Variants in FANCC observed in about 807,000 individuals in gnomAD.
FANCC encodes Fanconi anemia group C protein.
A neutral mutation model predicts 71.3 loss-of-function variants in FANCC; 55 were observed. That is an observed-to-expected ratio of 0.77 (90% CI 0.62 to 0.97). The LOEUF is 0.97. Ranked by LOEUF, FANCC falls within the 50% of genes least tolerant of loss-of-function variation. FANCC has a pLI of 0.00. For missense variants in FANCC, 678 were observed against 670.9 expected (o/e 1.01, Z -0.12); for synonymous variants, 275 against 244.9 (o/e 1.12, Z -1.15).
intron 1 of FANCC, among the ~76,000 whole-genome samples, chr9:95,252,688 T>G (rs1369711438): frequency 7.0e-6 from 1 of 142,252 alleles, no homozygotes; most frequent in Non-Finnish European, 1.5e-5. Flanking sequence ...AGCTTGTAAG[T>G]GAGCCGAGAT....
At chr9:95,197,395 C>T (rs890475074) in intron 4 of FANCC, among the ~76,000 whole-genome samples, 4 of 152,012 alleles carry the variant, frequency 2.6e-5, no homozygotes, top group African/African-American at 4.8e-5. Flanking sequence ...TTAAATTAGC[C>T]GGGTATGGTG....
intron 3 of FANCC, among the ~76,000 whole-genome samples, chr9:95,241,303 C>G (rs1225819150): frequency 6.6e-6 from 1 of 152,216 alleles, no homozygotes; most frequent in African/African-American, 2.4e-5. Context: ...TTTCTAGTAC[C>G]AAGTGCTTTG....
Position 95,142,794 on chromosome 9 carries a change from C to T in FANCC, c.686+7129G>A, listed in dbSNP as rs772291723. On this transcript the variant is annotated intron_variant, in intron 7 of 14. Coordinates refer to ENST00000289081, the MANE Select transcript of FANCC (RefSeq NM_000136.3). ...GCGAGTGTTAGAGTGGTCAGAGACT[C>T]GTATGTCAGTCACTCCCACTACTTA... Among the ~76,000 whole-genome samples, 5 of 152,264 alleles carry T rather than the reference C, an allele frequency of 3.3e-5. No individual in the cohort carries two copies. The South Asian group carries it at 1.0e-3, about 32-fold the overall frequency.
At chr9:95,293,718 C>G (rs563094860) in intron 1 of FANCC, 3 of 1,613,774 alleles carry the variant, frequency 1.9e-6, no homozygotes, top group African/African-American at 2.7e-5. Context: ...TGTTCACACT[C>G]AGACATTTTT....
At chr9:95,178,805 T>A (rs1826171245) in intron 4 of FANCC, among the ~76,000 whole-genome samples, 1 of 152,234 alleles carries the variant, frequency 6.6e-6, no homozygotes, top group Admixed American at 6.5e-5. Context: ...TTGAGTTAAA[T>A]TTTGTAAGGG....
intron 4 of FANCC, among the ~76,000 whole-genome samples, chr9:95,191,318 T>C (rs1190704429): frequency 1.6e-5 from 2 of 128,480 alleles, no homozygotes; most frequent in African/African-American, 5.7e-5. Flanking sequence ...CCAGTCACCA[T>C]CCTACTTCCT....
chr9:95,228,060 C>G (rs1283262846), intron 4 of FANCC, among the ~76,000 whole-genome samples: 1 of 152,140 alleles, frequency 6.6e-6, no homozygotes, highest in Non-Finnish European at 1.5e-5. Flanking sequence ...TGTTCCACCC[C>G]TTCACTTGGT....
intron 1 of FANCC, among the ~76,000 whole-genome samples, chr9:95,307,286 C>G (rs2136396728): frequency 6.6e-6 from 1 of 152,078 alleles, no homozygotes; most frequent in African/African-American, 2.4e-5. Flanking sequence ...TTTAATAGGG[C>G]TATTGCCCAA....
intron 4 of FANCC, among the ~76,000 whole-genome samples, chr9:95,197,324 C>G (rs938427618): frequency 6.6e-6 from 1 of 152,096 alleles, no homozygotes; most frequent in Non-Finnish European, 1.5e-5. Flanking sequence ...ACTGTTTGAG[C>G]CCAGAAGTTC....
intron 1 of FANCC, among the ~76,000 whole-genome samples, chr9:95,288,296 A>G (rs1380845928): frequency 6.6e-6 from 1 of 152,176 alleles, no homozygotes; most frequent in Admixed American, 6.5e-5. Flanking sequence ...CTTTACCAAG[A>G]CCATATATAG....
chr9:95,243,806 T>C (rs889857172), intron 3 of FANCC, among the ~76,000 whole-genome samples: 2 of 152,026 alleles, frequency 1.3e-5, no homozygotes, highest in African/African-American at 4.8e-5. Context: ...AAAAAAGCAA[T>C]TCTGATATTA....
At chr9:95,281,710 A>G (rs1833393723) in intron 1 of FANCC, among the ~76,000 whole-genome samples, 1 of 152,136 alleles carries the variant, frequency 6.6e-6, no homozygotes, top group African/African-American at 2.4e-5. Context: ...CACAATTAAA[A>G]ATAATAGCTA....
chr9:95,255,324 C>T (rs907864247), intron 1 of FANCC, among the ~76,000 whole-genome samples: 1 of 152,056 alleles, frequency 6.6e-6, no homozygotes, highest in Non-Finnish European at 1.5e-5. Flanking sequence ...TGGCAACTGG[C>T]GGGTGCCCCT....
At chr9:95,124,941 C>T in intron 10 of FANCC, 145 bp downstream of exon 10, 1 of 734,778 alleles carries the variant, frequency 1.4e-6, no homozygotes, top group Non-Finnish European at 2.4e-6. Context: ...ATGGCTTAAC[C>T]TTTGTTGGGG....
intron 8 of FANCC, chr9:95,126,887 T>A: frequency 2.7e-6 from 1 of 366,706 alleles, no homozygotes; most frequent in Middle Eastern, 8.5e-4. Context: ...ACTTTAAACA[T>A]CCCTCTGCCC....
intron 4 of FANCC, among the ~76,000 whole-genome samples, chr9:95,184,920 A>C (rs1336604570): frequency 1.3e-5 from 2 of 152,228 alleles, no homozygotes; most frequent in African/African-American, 4.8e-5. Flanking sequence ...CAGATACTTC[A>C]CACTATCCTA....
intron 7 of FANCC, among the ~76,000 whole-genome samples, chr9:95,141,879 A>C (rs888041605): frequency 6.6e-6 from 1 of 151,824 alleles, no homozygotes; most frequent in Non-Finnish European, 1.5e-5. Context: ...AGTGATTGTT[A>C]GGGGGAAAAA....
At chr9:95,162,208 AT>A (rs1202217915) in intron 6 of FANCC, among the ~76,000 whole-genome samples, 1 of 152,150 alleles carries the variant, frequency 6.6e-6, no homozygotes, top group Non-Finnish European at 1.5e-5. Flanking sequence ...ATCATGCAGT[AT>A]TTGCCTTCTG....
intron 4 of FANCC, among the ~76,000 whole-genome samples, chr9:95,174,355 T>A (rs974249007): frequency 2.0e-5 from 3 of 152,128 alleles, no homozygotes; most frequent in African/African-American, 7.2e-5. Context: ...CCCTCATGAC[T>A]TAATCACCCC....
Sources: gnomAD v4.1 joint callset for allele counts (sites outside exome capture counted in the v4.1 genomes callset) on GRCh38, gnomAD v4.1.1 for gene constraint, MANE v1.5 for transcripts, NCBI Gene and HGNC (gene_info 2026-07-23, HGNC 2026-07-21) for gene names.